The following SPRED2 variants were observed in gnomAD, a reference collection of about 807,000 sequenced individuals.
The protein encoded by SPRED2 is sprouty related EVH1 domain containing 2.
Under a neutral mutation model 43.0 loss-of-function variants are expected in SPRED2, and 47 were observed. The observed-to-expected ratio is 1.09, with a 90% CI of 0.87 to 1.40. SPRED2 has a LOEUF of 1.40. SPRED2 is among the 40% of genes most tolerant of loss of function. SPRED2 has a pLI of 0.00. For missense variants in SPRED2, 561 were observed against 586.4 expected (o/e 0.96, Z 0.45); for synonymous variants, 225 against 225.7 (o/e 1.00, Z 0.03).
chr2:65,422,010 G>A (rs187177250), intron 1 of SPRED2, among the ~76,000 whole-genome samples: 77 of 151,670 alleles, frequency 5.1e-4, no homozygotes, highest in African/African-American at 1.7e-3. Flanking sequence ...CCTCACCTGT[G>A]GTATGTGGAC....
chr2:65,409,984 T>C (rs1243164159), intron 1 of SPRED2, among the ~76,000 whole-genome samples: 1 of 148,512 alleles, frequency 6.7e-6, no homozygotes, highest in Non-Finnish European at 1.5e-5. Context: ...GAGCCAAGAT[T>C]GCACCACTGT....
intron 1 of SPRED2, among the ~76,000 whole-genome samples, chr2:65,416,335 G>A (rs77118443): frequency 6.6e-6 from 1 of 152,142 alleles, no homozygotes; most frequent in African/African-American, 2.4e-5. Context: ...AGTTGGGGGG[G>A]TGTATATTTC....
chr2:65,427,795 C>T (rs1292387450), intron 1 of SPRED2, among the ~76,000 whole-genome samples: 4 of 152,154 alleles, frequency 2.6e-5, no homozygotes, highest in African/African-American at 7.2e-5. Context: ...TGAGTCAGAA[C>T]GACTGAGGCT....
chr2:65,333,322 T>G (rs1416896198), intron 3 of SPRED2, among the ~76,000 whole-genome samples: 1 of 150,450 alleles, frequency 6.6e-6, no homozygotes, highest in Non-Finnish European at 1.5e-5. Flanking sequence ...ATGAAAACAA[T>G]TGCTCAGAAA....
chr2:65,308,635 C>T (rs1363287022), downstream of SPRED2: 1 of 865,412 alleles, frequency 1.2e-6, no homozygotes, highest in Non-Finnish European at 1.4e-6. Flanking sequence ...CTGCGTATCC[C>T]ACTGTAACTA....
intron 4 of SPRED2, among the ~76,000 whole-genome samples, chr2:65,330,507 G>A (rs925048607): frequency 1.3e-5 from 2 of 152,038 alleles, no homozygotes; most frequent in Non-Finnish European, 2.9e-5. Flanking sequence ...TAGTTTCACA[G>A]CAAAACCGAG....
At chr2:65,322,595 C>T (rs1673465532) in intron 4 of SPRED2, among the ~76,000 whole-genome samples, 1 of 151,994 alleles carries the variant, frequency 6.6e-6, no homozygotes, top group Non-Finnish European at 1.5e-5. Flanking sequence ...GCCCGGCCTC[C>T]TTTCCAATAT....
intron 1 of SPRED2, among the ~76,000 whole-genome samples, chr2:65,415,265 C>T (rs546598544): frequency 6.6e-6 from 1 of 152,298 alleles, no homozygotes; most frequent in South Asian, 2.1e-4. Flanking sequence ...TGGGCCTTCC[C>T]CACATTTGCA....
intron 2 of SPRED2, among the ~76,000 whole-genome samples, chr2:65,340,573 G>A (rs1674147132): frequency 6.6e-6 from 1 of 152,156 alleles, no homozygotes; most frequent in African/African-American, 2.4e-5. Context: ...ATCTAAAAAT[G>A]AGATTCAACT....
At chr2:65,320,428 C>T (rs1212155977) in intron 4 of SPRED2, among the ~76,000 whole-genome samples, 2 of 152,180 alleles carry the variant, frequency 1.3e-5, no homozygotes, top group African/African-American at 4.8e-5. Flanking sequence ...TGCTACCTTC[C>T]GATATTCCCA....
At chr2:65,361,321 A>G (rs1398608512) in intron 1 of SPRED2, among the ~76,000 whole-genome samples, 2 of 152,260 alleles carry the variant, frequency 1.3e-5, no homozygotes, top group Non-Finnish European at 2.9e-5. Flanking sequence ...ATCATATATA[A>G]GAAAAACACA....
In SPRED2 at chr2:65,313,656, C is replaced by A. The variant is rs147302571; in HGVS notation, c.1102G>T (p.Asp368Tyr). 1.1e-5 allele frequency: 18 copies of A among 1,614,206 alleles called. No homozygotes were observed. Among genetic ancestry groups the A allele is most frequent in the Non-Finnish European group, 1.4e-5 (17 of 1,180,044 alleles). Residue 368 changes from aspartate (D) to tyrosine (Y), a missense_variant, in exon 6 of 6, where the codon GAT becomes TAT. Physicochemically the swap from Asp to Tyr is radical, Grantham distance 160. Around this residue, in one of 6 missense-constraint regions of SPRED2, gnomAD observed 65 missense variants for 60.2 expected, o/e 1.08. Coordinates refer to ENST00000356388, the MANE Select transcript of SPRED2 (RefSeq NM_181784.3). ...AGGCAAAACTTCTCGTCGCTAGTAT[C>A]GCACGAGCAAGGGTCTGTATAGTCT... ...EGDYTDPCSC[D>Y]TSDEKFCLRW...
In SPRED2 at chr2:65,313,962, A is replaced by G; in HGVS notation, c.796T>C (p.Tyr266His). The G allele has an allele frequency of 1.2e-6, 2 of 1,612,558 alleles. No individual in the cohort carries two copies. Among genetic ancestry groups the G allele is most frequent in the Non-Finnish European group, 1.7e-6 (2 of 1,180,004 alleles). ...AAGTCTGAGGAGTCCACGTAGGGGT[A>G]GTTGTAGTCATGCTTGGGGACCTCG... The part of the protein sequence containing the change: ...KGEVPKHDYN[Y>H]PYVDSSDFGL... The change falls in exon 6 of 6, where the codon TAC becomes CAC. Residue 266 changes from tyrosine (Y) to histidine (H), a missense_variant. This residue lies in a region of SPRED2 where 164 missense variants were observed against 164.1 expected (regional missense o/e 1.00). Transcript: ENST00000356388.
intron 1 of SPRED2, among the ~76,000 whole-genome samples, chr2:65,350,350 CT>C (rs1674473050): frequency 6.6e-6 from 1 of 152,128 alleles, no homozygotes; most frequent in Non-Finnish European, 1.5e-5. Flanking sequence ...TAAAAGAATG[CT>C]TCTGAAATTA....
At chr2:65,349,308 CAAAAAAAAAAA>C (rs59019958) in intron 1 of SPRED2, among the ~76,000 whole-genome samples, 2 of 83,704 alleles carry the variant, frequency 2.4e-5, no homozygotes, top group Non-Finnish European at 4.5e-5. Context: ...GACTCTGTCT[CAAAAAAAAAAA>C]AAAAAAAAAA....
intron 1 of SPRED2, among the ~76,000 whole-genome samples, chr2:65,364,143 T>C (rs548834637): frequency 1.5e-4 from 23 of 152,344 alleles, no homozygotes; most frequent in Admixed American, 2.0e-4. Flanking sequence ...CAAAAAGGAA[T>C]AGCTCAAAGC....
downstream of SPRED2, chr2:65,308,516 C>G (rs1215465010): frequency 2.0e-6 from 2 of 985,320 alleles, no homozygotes; most frequent in Non-Finnish European, 2.4e-6. Flanking sequence ...TAATGCGCTT[C>G]AGCCTTCTGT....
chr2:65,356,717 C>T (rs984232496), intron 1 of SPRED2, among the ~76,000 whole-genome samples: 2 of 151,872 alleles, frequency 1.3e-5, no homozygotes, highest in African/African-American at 4.8e-5. Flanking sequence ...TCTGGCCGGG[C>T]GCGGTGGTTC....
At chr2:65,389,636 G>A (rs961124090) in intron 1 of SPRED2, among the ~76,000 whole-genome samples, 1 of 152,186 alleles carries the variant, frequency 6.6e-6, no homozygotes, top group African/African-American at 2.4e-5. Flanking sequence ...AGTGAGGAAT[G>A]CTGGTGCCCT....
Sources: allele counts gnomAD v4.1 joint callset (sites outside exome capture counted in the v4.1 genomes callset), GRCh38; gene constraint gnomAD v4.1.1; regional missense constraint gnomAD v4.1.1; transcripts MANE v1.5; gene names NCBI Gene and HGNC (gene_info 2026-07-23, HGNC 2026-07-21).